PARD3B: variants seen among roughly 807,000 people sequenced by gnomAD.
The protein encoded by PARD3B is partitioning defective 3 homolog B.
PARD3B carries 103 observed loss-of-function variants against 130.2 expected under a neutral mutation model. The observed-to-expected ratio is 0.79, with a 90% CI of 0.67 to 0.93. PARD3B has a LOEUF of 0.93. PARD3B is among the 40% of genes least tolerant of loss of function. The pLI is 0.00. For synonymous variants in PARD3B, 583 were observed against 553.2 expected (o/e 1.05, Z -0.76); for missense variants, 1,609 against 1,499.2 (o/e 1.07, Z -1.21).
rs144457202 is a variant in PARD3B, at chr2:205,141,874, GT to G, written c.1434+16143del. 6.1e-3 allele frequency among the ~76,000 whole-genome samples: 930 copies of G among 152,268 alleles called. 13 individuals carry two copies. The highest frequency in any genetic ancestry group is 0.021 in the African/African-American group (884 of 41,558). ...AAGCTTAATTAGCAGTTTATGAACT[GT>G]TTTTTAATTTTAATGAGAACGTGGC... On this transcript the variant is annotated intron_variant, in intron 10 of 22. Coordinates refer to ENST00000406610, the MANE Select transcript of PARD3B (RefSeq NM_001302769.2).
At chr2:204,862,052 G>C (rs367998125) in intron 2 of PARD3B, among the ~76,000 whole-genome samples, 31 of 151,716 alleles carry the variant, frequency 2.0e-4, no homozygotes, top group African/African-American at 7.3e-4. Context: ...AGGTAAAGAG[G>C]GTCTAAATCA....
chr2:205,415,741 T>A (rs1399467468), intron 19 of PARD3B, among the ~76,000 whole-genome samples: 2 of 152,148 alleles, frequency 1.3e-5, no homozygotes, highest in African/African-American at 4.8e-5. Context: ...AATTTTTTTT[T>A]AATTGTGACA....
chr2:204,594,607 G>A (rs1350042403), intron 1 of PARD3B, among the ~76,000 whole-genome samples: 2 of 152,192 alleles, frequency 1.3e-5, no homozygotes, highest in Non-Finnish European at 2.9e-5. Flanking sequence ...GTGCTCAGCT[G>A]CCACCTGCAG....
chr2:205,516,974 A>C (rs953869016), intron 21 of PARD3B, among the ~76,000 whole-genome samples: 1 of 152,130 alleles, frequency 6.6e-6, no homozygotes, highest in Non-Finnish European at 1.5e-5. Context: ...TTTAACATGA[A>C]GGGGTACTGA....
chr2:204,762,813 T>C (rs1219736275), intron 2 of PARD3B, among the ~76,000 whole-genome samples: 5 of 149,628 alleles, frequency 3.3e-5, no homozygotes, highest in Non-Finnish European at 4.4e-5. Context: ...CAGGCTGGAG[T>C]GCAATGGCAC....
chr2:205,339,353 TAG>T (rs201778628), intron 18 of PARD3B, among the ~76,000 whole-genome samples: 1 of 152,152 alleles, frequency 6.6e-6, no homozygotes, highest in Non-Finnish European at 1.5e-5. Flanking sequence ...AGAAGTTTAG[TAG>T]CTCAAATAGA....
At chr2:205,262,257 C>A (rs2040342489) in intron 16 of PARD3B, among the ~76,000 whole-genome samples, 1 of 152,056 alleles carries the variant, frequency 6.6e-6, no homozygotes, top group Non-Finnish European at 1.5e-5. Flanking sequence ...AAAGAAACAC[C>A]ACTATTTCTC....
intron 20 of PARD3B, among the ~76,000 whole-genome samples, chr2:205,489,940 G>C (rs1196929056): frequency 2.6e-5 from 4 of 152,136 alleles, no homozygotes; most frequent in East Asian, 1.9e-4. Flanking sequence ...TTTATCAGAA[G>C]AGGAGATGAC....
At position 205,532,327 on chromosome 2, in the gene PARD3B, T is replaced by TTTGAACACAGGTGTCATAA. The variant is rs1298649183; in HGVS notation, c.3181-20996_3181-20978dup. 3.3e-5 allele frequency among the ~76,000 whole-genome samples: 5 copies of TTTGAACACAGGTGTCATAA among 151,964 alleles called. No individual in the cohort carries two copies. In the East Asian group the frequency reaches 9.6e-4, roughly 29 times the overall value. On this transcript the variant is annotated intron_variant, in intron 21 of 22. Transcript: ENST00000406610. ...TGTTTAGTCACCTAGTCCCATCATT[T>TTTGAACACAGGTGTCATAA]TTGAACACAGGTGTCATAAAAGGCA... is the stretch of plus-strand genomic sequence containing the variant.
chr2:204,910,650 T>C (rs1398528048), intron 2 of PARD3B, among the ~76,000 whole-genome samples: 3 of 152,182 alleles, frequency 2.0e-5, no homozygotes, highest in African/African-American at 7.2e-5. Context: ...TGTTTGTTTT[T>C]TGTTTTGAGG....
intron 22 of PARD3B, among the ~76,000 whole-genome samples, chr2:205,581,463 C>T (rs2053986667): frequency 7.1e-6 from 1 of 141,142 alleles, no homozygotes; most frequent in Non-Finnish European, 1.5e-5. Context: ...ATGACAGGAT[C>T]TTATTCTTTT....
intron 11 of PARD3B, among the ~76,000 whole-genome samples, chr2:205,166,486 C>T (rs193111562): frequency 6.3e-4 from 96 of 152,300 alleles, no homozygotes; most frequent in African/African-American, 2.2e-3. Flanking sequence ...TGGACCTCTT[C>T]ACATAAGCTG....
At chr2:205,073,348 C>A (rs1031448002) in intron 4 of PARD3B, among the ~76,000 whole-genome samples, 1 of 152,030 alleles carries the variant, frequency 6.6e-6, no homozygotes, top group Non-Finnish European at 1.5e-5. Context: ...CTGGTGGTGT[C>A]CTGCTGTGGT....
chr2:205,397,721 A>G lies in PARD3B; in HGVS notation c.2631-3292A>G, dbSNP rs906958573. On this transcript the variant is annotated intron_variant, in intron 18 of 22. Transcript: ENST00000406610. The surrounding 1 kb of genome is among the most constrained non-coding windows in gnomAD (Gnocchi z 4.8). The stretch of plus-strand genomic sequence containing the variant: ...AAATTTTTGCCCTCATCAACCTCCT[A>G]AAGCATTATTTCTACCCTGACTCCC... 6.6e-6 allele frequency among the ~76,000 whole-genome samples: 1 copy of G among 152,166 alleles called. No homozygotes were observed. Among genetic ancestry groups the G allele is most frequent in the Non-Finnish European group, 1.5e-5 (1 of 68,020 alleles).
At chr2:205,524,738 C>T (rs890237066) in intron 21 of PARD3B, among the ~76,000 whole-genome samples, 11 of 152,186 alleles carry the variant, frequency 7.2e-5, no homozygotes, top group African/African-American at 2.4e-4. Flanking sequence ...TCTCATCAGT[C>T]TCATAACCTC....
At chr2:205,551,419 T>G (rs900394947) in intron 21 of PARD3B, among the ~76,000 whole-genome samples, 8 of 151,978 alleles carry the variant, frequency 5.3e-5, no homozygotes, top group African/African-American at 1.9e-4. Flanking sequence ...GTTCAGAAAT[T>G]TAAACCAAGG....
At position 205,585,797 on chromosome 2, in the gene PARD3B, G is replaced by A. The variant is rs1388047996; in HGVS notation, c.3261-29659G>A. On this transcript the variant is annotated intron_variant, in intron 22 of 22. Transcript: ENST00000406610. The surrounding 1 kb of genome is among the most constrained non-coding windows in gnomAD (Gnocchi z 5.4). ...AGGAAGGGCTTTGAACTGGATTTCG[G>A]TAGCTTTGTGGGCTCTTGCAGAAAG... Among the ~76,000 whole-genome samples, 3 of 152,142 alleles carry A rather than the reference G, an allele frequency of 2.0e-5. No homozygotes were observed. The highest frequency in any genetic ancestry group is 7.2e-5 in the African/African-American group (3 of 41,436).
intron 20 of PARD3B, among the ~76,000 whole-genome samples, chr2:205,471,076 A>C (rs1168860602): frequency 6.6e-6 from 1 of 152,156 alleles, no homozygotes; most frequent in Non-Finnish European, 1.5e-5. Flanking sequence ...AGTGTTGGTC[A>C]GCTGTGTCTT....
chr2:205,579,744 G>A (rs2053897927), intron 22 of PARD3B, among the ~76,000 whole-genome samples: 1 of 152,178 alleles, frequency 6.6e-6, no homozygotes, highest in Non-Finnish European at 1.5e-5. Context: ...TTCTTTCACA[G>A]ATTAATTTCA....
Sources: allele counts gnomAD v4.1 joint callset (sites outside exome capture counted in the v4.1 genomes callset), GRCh38; gene constraint gnomAD v4.1.1; non-coding constraint Gnocchi (gnomAD v3.1); transcripts MANE v1.5; gene names NCBI Gene and HGNC (gene_info 2026-07-23, HGNC 2026-07-21).